The following FBXL20 variants were observed in gnomAD, a reference collection of about 807,000 sequenced individuals.
FBXL20 encodes F-box/LRR-repeat protein 20.
A neutral mutation model predicts 64.0 loss-of-function variants in FBXL20; 11 were observed. The observed-to-expected ratio is 0.17, with a 90% confidence interval of 0.11 to 0.28. FBXL20 has a LOEUF of 0.28. Among genes scored for constraint, FBXL20 ranks in the 10% least tolerant of loss-of-function variants. The probability of loss-of-function intolerance (pLI) is 1.00; values close to 1 mark genes in which losing one functional copy is unlikely to be tolerated. For missense variants in FBXL20, 303 were observed against 526.2 expected (o/e 0.58, Z 4.15); for synonymous variants, 184 against 189.0 (o/e 0.97, Z 0.22).
intron 6 of FBXL20, among the ~76,000 whole-genome samples, chr17:39,289,663 A>C (rs553841812): frequency 7.2e-5 from 11 of 151,812 alleles, no homozygotes; most frequent in Non-Finnish European, 1.2e-4. Context: ...AACAAACAAA[A>C]AAAAAACCCA....
At chr17:39,303,712 G>GTGAGACCCT in intron 2 of FBXL20, 73 bp from the exon 3 acceptor site, 1 of 1,328,064 alleles carries the variant, frequency 7.5e-7, no homozygotes, top group Non-Finnish European at 1.0e-6. Context: ...TTTGAGACAG[G>GTGAGACCCT]GTCTCACTCT....
rs2046732459 is a variant in FBXL20, at chr17:39,260,137, C to A, written c.*1323G>T. ...AGCTGTTATAGAGCCATTCTTGTAT[C>A]CCTGAAAGGCTGAAATGGGGGAAAA... is the stretch of plus-strand genomic sequence containing the variant. On this transcript the variant is annotated 3_prime_UTR_variant, in exon 15 of 15. Transcript: ENST00000264658. 1 of 151,976 alleles carries A rather than the reference C, an allele frequency of 6.6e-6. No individual in the cohort carries two copies. Among genetic ancestry groups the A allele is most frequent in the African/African-American group, 2.4e-5 (1 of 41,362 alleles). 9.4% of individuals were successfully genotyped at this position (151,976 alleles called of 1,614,324 possible).
intron 8 of FBXL20, among the ~76,000 whole-genome samples, chr17:39,281,733 T>C (rs1367905485): frequency 6.6e-6 from 1 of 152,158 alleles, no homozygotes; most frequent in African/African-American, 2.4e-5. Flanking sequence ...TTTTTATGGG[T>C]TTTACTTCTG....
chr17:39,398,676 TTTG>T (rs2048211116), intron 1 of FBXL20, among the ~76,000 whole-genome samples: 1 of 150,722 alleles, frequency 6.6e-6, no homozygotes, highest in Admixed American at 6.6e-5. Context: ...CTCGTTGTTT[TTTG>T]TTTTTTTTTT....
At chr17:39,322,651 A>AG (rs1183074727) in intron 2 of FBXL20, among the ~76,000 whole-genome samples, 13 of 152,130 alleles carry the variant, frequency 8.5e-5, no homozygotes, top group African/African-American at 3.1e-4. Context: ...GGTTGTGAGA[A>AG]TTCTCTCTTT....
chr17:39,342,567 A>C (rs2047593044), intron 2 of FBXL20, among the ~76,000 whole-genome samples: 1 of 152,136 alleles, frequency 6.6e-6, no homozygotes, highest in African/African-American at 2.4e-5. Flanking sequence ...ATACAAAAAA[A>C]TTAGCCAGGC....
At chr17:39,305,695 T>A (rs903038425) in intron 2 of FBXL20, among the ~76,000 whole-genome samples, 2 of 152,028 alleles carry the variant, frequency 1.3e-5, no homozygotes, top group Non-Finnish European at 2.9e-5. Context: ...ACAAAAATTT[T>A]AAAAATTAAG....
At chr17:39,315,136 T>C (rs2144495242) in intron 2 of FBXL20, among the ~76,000 whole-genome samples, 1 of 152,180 alleles carries the variant, frequency 6.6e-6, no homozygotes, top group East Asian at 1.9e-4. Context: ...TTTCGCCTTG[T>C]TGGCCAGGCT....
At chr17:39,400,399 G>A (rs2048229894) in intron 1 of FBXL20, among the ~76,000 whole-genome samples, 1 of 152,168 alleles carries the variant, frequency 6.6e-6, no homozygotes, top group Non-Finnish European at 1.5e-5. Flanking sequence ...CTCAAATGGA[G>A]ATGAAGAAAA....
At chr17:39,401,271 C>CCCT in intron 1 of FBXL20, 90 bp downstream of exon 1, 1 of 1,601,906 alleles carries the variant, frequency 6.2e-7, no homozygotes, top group South Asian at 1.1e-5. Flanking sequence ...CGGCGCCTGC[C>CCCT]AGGGAGGAGG....
chr17:39,261,342 C>T lies in FBXL20; in HGVS notation c.*118G>A. On this transcript the variant is annotated 3_prime_UTR_variant, in exon 15 of 15. Coordinates refer to ENST00000264658, the MANE Select transcript of FBXL20 (RefSeq NM_032875.3). ...TGGCTCTGGGGATCTGGACACTGCC[C>T]TCCCTCACTTTGTAACCCTTGCTCA... 1.2e-6 allele frequency: 1 copy of T among 819,992 alleles called. No individual in the cohort carries two copies. Among genetic ancestry groups the T allele is most frequent in the South Asian group, 1.4e-5 (1 of 72,476 alleles). The allele number at this position is 819,992 out of a possible 1,614,324, so 50.8% of individuals were successfully genotyped here.
At chr17:39,299,144 C>T in intron 4 of FBXL20, 60 bp from the exon 5 acceptor site, 4 of 1,151,478 alleles carry the variant, frequency 3.5e-6, no homozygotes, top group Non-Finnish European at 5.1e-6. Context: ...GAAAAGAACA[C>T]ATACTCATTT....
intron 11 of FBXL20, among the ~76,000 whole-genome samples, chr17:39,269,741 A>AC (rs979385890): frequency 6.9e-5 from 9 of 131,212 alleles, no homozygotes; most frequent in African/African-American, 1.4e-4. Context: ...CAGGTGATCC[A>AC]CCCCCCTTGG....
chr17:39,358,456 G>A (rs1160891476), intron 1 of FBXL20, among the ~76,000 whole-genome samples: 2 of 152,152 alleles, frequency 1.3e-5, no homozygotes, highest in African/African-American at 4.8e-5. Context: ...GCTGAGGTGG[G>A]TGGATCACTT....
chr17:39,306,656 G>C (rs1176574126), intron 2 of FBXL20, among the ~76,000 whole-genome samples: 1 of 152,144 alleles, frequency 6.6e-6, no homozygotes, highest in Non-Finnish European at 1.5e-5. Flanking sequence ...AATATTTTCA[G>C]TTTTGAAGCA....
In FBXL20 at chr17:39,360,387, C is replaced by T. The variant is rs914682182; in HGVS notation, c.43-17146G>A. The stretch of plus-strand genomic sequence containing the variant: ...ACACTTGAAATTGCTTTACGTGGTA[C>T]ATCTTATGCATATTTTATAATAAAA... On this transcript the variant is annotated intron_variant, in intron 1 of 14. Coordinates refer to ENST00000264658, the MANE Select transcript of FBXL20 (RefSeq NM_032875.3). Among the ~76,000 whole-genome samples the T allele has an allele frequency of 3.2e-4, 49 of 152,270 alleles. No individual in the cohort carries two copies. In the South Asian group the frequency reaches 9.1e-3, roughly 28 times the overall value.
At chr17:39,308,818 G>C (rs556774025) in intron 2 of FBXL20, among the ~76,000 whole-genome samples, 1 of 152,168 alleles carries the variant, frequency 6.6e-6, no homozygotes, top group East Asian at 1.9e-4. Context: ...ACCCGCCTCA[G>C]CCTCCCAAAG....
At chr17:39,298,141 G>GT (rs1211257523) in intron 5 of FBXL20, among the ~76,000 whole-genome samples, 1 of 151,110 alleles carries the variant, frequency 6.6e-6, no homozygotes, top group African/African-American at 2.4e-5. Context: ...TAGAGACAGG[G>GT]TCTTCCTCTG....
chr17:39,264,143 C>G (rs771357084), intron 14 of FBXL20, 32 bp downstream of exon 14: 2 of 1,598,224 alleles, frequency 1.3e-6, no homozygotes, highest in South Asian at 2.2e-5. Context: ...GCTGCTAACA[C>G]TAGAGTTGGA....
Sources: allele counts gnomAD v4.1 joint callset (sites outside exome capture counted in the v4.1 genomes callset), GRCh38; gene constraint gnomAD v4.1.1; transcripts MANE v1.5; gene names NCBI Gene and HGNC (gene_info 2026-07-23, HGNC 2026-07-21).